The following ZCCHC7 variants were observed in gnomAD, a reference collection of about 807,000 sequenced individuals.
ZCCHC7 encodes zinc finger CCHC domain-containing protein 7.
In ZCCHC7, 35 loss-of-function variants were observed where a neutral mutation model predicts 52.0. The observed-to-expected ratio is 0.67, with a 90% CI of 0.51 to 0.89. ZCCHC7 has a LOEUF of 0.89. Ranked by LOEUF, ZCCHC7 falls within the 40% of genes least tolerant of loss-of-function variation. ZCCHC7 has a pLI of 0.00. For missense variants in ZCCHC7, 574 were observed against 649.1 expected, an observed-to-expected ratio of 0.88 and a Z score of 1.26; for synonymous variants, 217 against 221.5, an observed-to-expected ratio of 0.98 and a Z score of 0.18.
At chr9:37,145,460 A>G (rs1438111552) in intron 2 of ZCCHC7, among the ~76,000 whole-genome samples, 3 of 151,920 alleles carry the variant, frequency 2.0e-5, no homozygotes, top group Non-Finnish European at 4.4e-5. Flanking sequence ...CAGAAGGGGC[A>G]CATACCAAAA....
chr9:37,138,500 C>T (rs961883428), intron 2 of ZCCHC7, among the ~76,000 whole-genome samples: 2 of 152,040 alleles, frequency 1.3e-5, no homozygotes, highest in African/African-American at 4.8e-5. Flanking sequence ...TTCTTTTCAA[C>T]AATGTTAAGT....
chr9:37,229,652 C>T (rs1286527775), intron 2 of ZCCHC7, among the ~76,000 whole-genome samples: 4 of 152,170 alleles, frequency 2.6e-5, no homozygotes, highest in African/African-American at 7.2e-5. Flanking sequence ...CCAGAAGTTG[C>T]TCTGGTCAGG....
chr9:37,301,931 T>G (rs1223328870), intron 2 of ZCCHC7, among the ~76,000 whole-genome samples: 1 of 152,208 alleles, frequency 6.6e-6, no homozygotes, highest in Non-Finnish European at 1.5e-5. Context: ...CATTTTATTC[T>G]CACAGGACTT....
intron 2 of ZCCHC7, among the ~76,000 whole-genome samples, chr9:37,229,088 G>A (rs918291885): frequency 2.0e-5 from 3 of 151,782 alleles, no homozygotes; most frequent in Non-Finnish European, 4.4e-5. Context: ...GCCCTCCTTG[G>A]CCTCCCAAAG....
At chr9:37,310,874 T>A (rs955232925) in intron 5 of ZCCHC7, among the ~76,000 whole-genome samples, 1 of 151,386 alleles carries the variant, frequency 6.6e-6, no homozygotes, top group Admixed American at 6.6e-5. Context: ...GGAGGATTGC[T>A]TGAGCCCAGG....
At chr9:37,130,518 A>T (rs1354452019) in intron 2 of ZCCHC7, among the ~76,000 whole-genome samples, 77 of 144,204 alleles carry the variant, frequency 5.3e-4, no homozygotes, top group African/African-American at 1.9e-3. Context: ...TTTGAGACAG[A>T]GTCTCGCTCT....
chr9:37,297,205 C>T lies in ZCCHC7; in HGVS notation c.611-4983C>T, dbSNP rs532805733. On this transcript the variant is annotated intron_variant, in intron 2 of 8. Coordinates refer to ENST00000336755, the MANE Select transcript of ZCCHC7 (RefSeq NM_032226.3). ...AAAAGCTTGTTGTTAATTAAATTAGCCTTCTATTGTTAAAAATTCAATTAT... is the reference window on the plus strand; with the variant it reads ...AAAAGCTTGTTGTTAATTAAATTAGTCTTCTATTGTTAAAAATTCAATTAT... 5.3e-5 allele frequency among the ~76,000 whole-genome samples: 8 copies of T among 152,116 alleles called. No homozygotes were observed. The East Asian group carries it at 1.2e-3, about 22-fold the overall frequency.
Position 37,351,561 on chromosome 9 carries a change from C to T in ZCCHC7, c.1083+2109C>T, listed in dbSNP as rs1008730011. ...GCCTCAAGCAATCCTCCCTCCTTGG[C>T]CTCCCGAAGTGTTGAGATTACAGAA... On this transcript the variant is annotated intron_variant, in intron 7 of 8. Coordinates refer to ENST00000336755, the MANE Select transcript of ZCCHC7 (RefSeq NM_032226.3). Among the ~76,000 whole-genome samples the T allele has an allele frequency of 3.9e-5, 6 of 152,208 alleles. No individual in the cohort carries two copies. The South Asian group carries it at 6.2e-4, about 16-fold the overall frequency.
At chr9:37,161,838 C>T (rs1198144151) in intron 2 of ZCCHC7, among the ~76,000 whole-genome samples, 3 of 152,134 alleles carry the variant, frequency 2.0e-5, no homozygotes, top group African/African-American at 7.2e-5. Flanking sequence ...TCTTGAAGAC[C>T]GTGGCATGGC....
At chr9:37,160,074 C>G (rs1293751363) in intron 2 of ZCCHC7, 1 of 152,200 alleles carries the variant, frequency 6.6e-6, no homozygotes, top group Non-Finnish European at 1.5e-5. Context: ...GGCTGCCAGA[C>G]ACCCTACTTG....
intron 2 of ZCCHC7, among the ~76,000 whole-genome samples, chr9:37,281,969 G>A (rs561913204): frequency 2.6e-5 from 4 of 152,102 alleles, no homozygotes; most frequent in South Asian, 2.1e-4. Context: ...CTGCTCCCAC[G>A]TATGGTTCCT....
intron 1 of ZCCHC7, among the ~76,000 whole-genome samples, 175 bp from the exon 2 acceptor site, chr9:37,126,137 C>T (rs1427916446): frequency 6.6e-6 from 1 of 152,150 alleles, no homozygotes; most frequent in Non-Finnish European, 1.5e-5. Flanking sequence ...GTGGGACTTA[C>T]AGGAGTGGGT....
intron 2 of ZCCHC7, among the ~76,000 whole-genome samples, chr9:37,201,053 C>T (rs181337733): frequency 6.6e-6 from 1 of 152,294 alleles, no homozygotes; most frequent in African/African-American, 2.4e-5. Context: ...ACAAGGGTAT[C>T]ATTGCATGCT....
chr9:37,182,450 C>G (rs1020250471), intron 2 of ZCCHC7, among the ~76,000 whole-genome samples: 6 of 151,754 alleles, frequency 4.0e-5, no homozygotes, highest in African/African-American at 1.5e-4. Context: ...CTGCAGCCTC[C>G]GCCTCCCAGG....
At chr9:37,132,546 ACAT>A (rs1357193114) in intron 2 of ZCCHC7, among the ~76,000 whole-genome samples, 4 of 152,184 alleles carry the variant, frequency 2.6e-5, no homozygotes, top group Admixed American at 6.5e-5. Context: ...GTGTGTATAC[ACAT>A]CATGTGTGCA....
chr9:37,279,169 A>G (rs552247158), intron 2 of ZCCHC7, among the ~76,000 whole-genome samples: 1 of 152,168 alleles, frequency 6.6e-6, no homozygotes, highest in African/African-American at 2.4e-5. Flanking sequence ...GTCTTATTTT[A>G]TCCTCTTTAT....
intron 2 of ZCCHC7, among the ~76,000 whole-genome samples, chr9:37,128,167 T>TG (rs1359474499): frequency 6.6e-6 from 1 of 152,184 alleles, no homozygotes; most frequent in African/African-American, 2.4e-5. Context: ...TGGATTGGGT[T>TG]GGGGGCCAGG....
At chr9:37,308,652 T>C (rs1829449091) in intron 5 of ZCCHC7, among the ~76,000 whole-genome samples, 1 of 152,086 alleles carries the variant, frequency 6.6e-6, no homozygotes, top group Non-Finnish European at 1.5e-5. Flanking sequence ...TCCTGTAATA[T>C]CAGCTGCTCA....
intron 2 of ZCCHC7, among the ~76,000 whole-genome samples, chr9:37,256,792 G>C (rs1371272626): frequency 6.6e-6 from 1 of 152,122 alleles, no homozygotes; most frequent in Non-Finnish European, 1.5e-5. Flanking sequence ...TAACTTTTAG[G>C]AAACTATCAC....
Sources: allele counts gnomAD v4.1 joint callset (sites outside exome capture counted in the v4.1 genomes callset), GRCh38; gene constraint gnomAD v4.1.1; transcripts MANE v1.5; gene names NCBI Gene and HGNC (gene_info 2026-07-23, HGNC 2026-07-21).